SMCO4: variants seen among roughly 807,000 people sequenced by gnomAD.
SMCO4 encodes the protein single-pass membrane protein with coiled-coil domains 4.
SMCO4 carries 4 observed loss-of-function variants against 3.6 expected under a neutral mutation model. That is an observed-to-expected ratio of 1.11 (90% CI 0.54 to 2.53). The LOEUF is 2.53. SMCO4 is among the 30% of genes most tolerant of loss of function. The pLI, the probability that SMCO4 is intolerant of heterozygous loss-of-function variation, is 0.02. For missense variants in SMCO4, 70 were observed against 80.8 expected, an observed-to-expected ratio of 0.87 and a Z score of 0.51; for synonymous variants, 36 against 35.3, an observed-to-expected ratio of 1.02 and a Z score of -0.07.
chr11:93,514,413 T>TATATATATACACAC lies in SMCO4; in HGVS notation c.-153-15066_-153-15065insGTGTGTATATATAT, dbSNP rs781423008. On this transcript the variant is annotated intron_variant, in intron 1 of 2. Transcript: ENST00000298966. Reference sequence around the variant, plus strand: ...ATATATATATATATATATATATATATATATATATAAAATTTGGTCTCTTCC... The same window carrying TATATATATACACAC: ...ATATATATATATATATATATATATATATATATATACACACATATATATAAAATTTGGTCTCTTCC... Among the ~76,000 whole-genome samples, 21 of 33,946 alleles carry TATATATATACACAC rather than the reference T, an allele frequency of 6.2e-4. 1 individual carries two copies. The highest frequency in any genetic ancestry group is 1.8e-3 in the African/African-American group (19 of 10,706). 22.3% of individuals were successfully genotyped at this position (33,946 alleles called of 152,430 possible). A position where few individuals can be genotyped will look rare whatever the true frequency, so the allele number is the denominator to read the frequency against.
At chr11:93,479,315 G>A in intron 2 of SMCO4, 46 bp from the exon 3 acceptor site, 1 of 1,417,300 alleles carries the variant, frequency 7.1e-7, no homozygotes, top group Non-Finnish European at 9.2e-7. Flanking sequence ...CCAAATAGAA[G>A]AAAAAATAAA....
intron 1 of SMCO4, among the ~76,000 whole-genome samples, chr11:93,526,092 T>C (rs1428398307): frequency 1.3e-5 from 2 of 152,140 alleles, no homozygotes; most frequent in East Asian, 3.9e-4. Context: ...CATATTGGTT[T>C]GAGTATACAT....
rs547230098 is a variant in SMCO4, at chr11:93,483,659, C to T, written c.-80-4390G>A. Among the ~76,000 whole-genome samples the T allele has an allele frequency of 2.6e-5, 4 of 152,286 alleles. No individual in the cohort carries two copies. The East Asian group carries it at 5.8e-4, about 22-fold the overall frequency. On this transcript the variant is annotated intron_variant, in intron 2 of 2. Transcript: ENST00000298966. ...CCGACGTGTCTCTGTATGTGATGAA[C>T]GCCTCTTTCAACTTTGGCTGGCTCC...
intron 1 of SMCO4, among the ~76,000 whole-genome samples, chr11:93,523,761 GTAAATT>G (rs1949081612): frequency 6.6e-6 from 1 of 152,198 alleles, no homozygotes; most frequent in Non-Finnish European, 1.5e-5. Flanking sequence ...CGTCCAATAT[GTAAATT>G]TAAAATACCC....
chr11:93,538,948 A>G (rs887360568), intron 1 of SMCO4, among the ~76,000 whole-genome samples: 27 of 152,170 alleles, frequency 1.8e-4, no homozygotes, highest in African/African-American at 6.3e-4. Context: ...CTCTGCCTAC[A>G]GGACTAAGTC....
rs1948932290 is a variant in SMCO4 at position 93,508,846 on chromosome 11, AAAG to A, written c.-153-9501_-153-9499del. On this transcript the variant is annotated intron_variant, in intron 1 of 2. Transcript: ENST00000298966. ...ACACACTCCACCACTGGAGGTGGGA[AAAG>A]AAGGAGCAGGAAACACTTCCAGAGC... Among the ~76,000 whole-genome samples the A allele has an allele frequency of 2.6e-5, 4 of 152,336 alleles. No individual in the cohort carries two copies. The South Asian group carries it at 8.3e-4, about 32-fold the overall frequency.
chr11:93,526,551 G>C (rs1949110009), intron 1 of SMCO4, among the ~76,000 whole-genome samples: 1 of 152,120 alleles, frequency 6.6e-6, no homozygotes, highest in African/African-American at 2.4e-5. Context: ...CGATGGTAGA[G>C]GAAACAAGCT....
At chr11:93,547,815 C>T (rs939046891), upstream of SMCO4, among the ~76,000 whole-genome samples, 3 of 152,012 alleles carry the variant, frequency 2.0e-5, no homozygotes, top group Non-Finnish European at 4.4e-5. Flanking sequence ...TGCTGGGTCC[C>T]TTTGTGATGC....
At chr11:93,512,762 C>A (rs1373370959) in intron 1 of SMCO4, among the ~76,000 whole-genome samples, 2 of 152,128 alleles carry the variant, frequency 1.3e-5, no homozygotes, top group African/African-American at 4.8e-5. Context: ...TGATGCATTT[C>A]TCAGGATGTG....
In SMCO4 at chr11:93,478,718, C is replaced by CACAT; in HGVS notation, c.*291_*292insATGT. On this transcript the variant is annotated 3_prime_UTR_variant, in exon 3 of 3. Coordinates refer to ENST00000298966, the MANE Select transcript of SMCO4 (RefSeq NM_020179.3). ...TTTTTAGGAGAGAAAAAGAAGCACA[C>CACAT]ACACACACACACACACACACACACA... 1.8e-5 allele frequency: 1 copy of CACAT among 56,344 alleles called. No homozygotes were observed. The highest frequency in any genetic ancestry group is 2.3e-3 in the South Asian group (1 of 436). The allele number at this position is 56,344 out of a possible 1,614,324, so 3.5% of individuals were successfully genotyped here. A position where few individuals can be genotyped will look rare whatever the true frequency, so the allele number is the denominator to read the frequency against.
rs11827651 is a variant in SMCO4, at chr11:93,541,803, T to C, written c.-154+1473A>G. On this transcript the variant is annotated intron_variant, in intron 1 of 2. Transcript: ENST00000298966. ...TTTATTTTAAATCTAAGCTAATTTC[T>C]TTATAAGAACAGGCTAAGGCTTATT... Among the ~76,000 whole-genome samples the C allele has an allele frequency of 1.9e-3, 287 of 152,342 alleles. 2 individuals carry two copies. The highest frequency in any genetic ancestry group is 6.6e-3 in the African/African-American group (275 of 41,578).
intron 2 of SMCO4, among the ~76,000 whole-genome samples, chr11:93,495,247 A>G (rs1240691167): frequency 1.3e-5 from 2 of 151,996 alleles, no homozygotes; most frequent in Admixed American, 6.6e-5. Context: ...AACGCTCATC[A>G]CACTATTAAA....
chr11:93,535,637 T>C (rs1949215349), intron 1 of SMCO4: 1 of 1,594,288 alleles, frequency 6.3e-7, no homozygotes, highest in Non-Finnish European at 8.6e-7. Flanking sequence ...AACAAGTGTC[T>C]GTTAAGAGCT....
intron 2 of SMCO4, among the ~76,000 whole-genome samples, chr11:93,495,156 G>T (rs56240121): frequency 0.2 from 30,200 of 151,664 alleles, 3,246 homozygotes; most frequent in East Asian, 0.39. Context: ...CCATCTCAAG[G>T]GTCACATGAC....
chr11:93,480,873 T>C lies in SMCO4; in HGVS notation c.-80-1604A>G, dbSNP rs1311234735. 2.0e-5 allele frequency among the ~76,000 whole-genome samples: 3 copies of C among 152,218 alleles called. No individual in the cohort carries two copies. In the South Asian group the frequency reaches 6.2e-4, roughly 32 times the overall value. Reference sequence around the variant, plus strand: ...ACTCCATTTAGACCCCAAAACCTTTTTTGTATCATTCAAAATCAGGCAGAG... The same window carrying C: ...ACTCCATTTAGACCCCAAAACCTTTCTTGTATCATTCAAAATCAGGCAGAG... On this transcript the variant is annotated intron_variant, in intron 2 of 2. Coordinates refer to ENST00000298966, the MANE Select transcript of SMCO4 (RefSeq NM_020179.3).
chr11:93,495,023 G>A (rs1948758529), intron 2 of SMCO4, among the ~76,000 whole-genome samples: 1 of 152,002 alleles, frequency 6.6e-6, no homozygotes. Flanking sequence ...CACCCTTGCT[G>A]ACCTCCCAGG....
the SMCO4 span, among the ~76,000 whole-genome samples, chr11:93,552,633 G>A: frequency 2.7e-5 from 4 of 150,838 alleles, no homozygotes; most frequent in East Asian, 2.0e-4. Flanking sequence ...TAACAAGCCC[G>A]GCTAATTTTT....
At chr11:93,505,630 C>A (rs894508802) in intron 1 of SMCO4, among the ~76,000 whole-genome samples, 1 of 152,116 alleles carries the variant, frequency 6.6e-6, no homozygotes, top group Non-Finnish European at 1.5e-5. Context: ...CATTCTATAG[C>A]CTCCCATTCC....
At chr11:93,486,288 G>A (rs868573909) in intron 2 of SMCO4, among the ~76,000 whole-genome samples, 1 of 152,144 alleles carries the variant, frequency 6.6e-6, no homozygotes, top group Non-Finnish European at 1.5e-5. Flanking sequence ...CTCAGAAACC[G>A]TGTTGCCCCC....
Sources: gnomAD v4.1 joint callset for allele counts (sites outside exome capture counted in the v4.1 genomes callset) on GRCh38, gnomAD v4.1.1 for gene constraint, MANE v1.5 for transcripts, NCBI Gene and HGNC (gene_info 2026-07-23, HGNC 2026-07-21) for gene names.